EYS: variants seen among roughly 807,000 people sequenced by gnomAD.
The protein encoded by EYS is protein eyes shut homolog.
A neutral mutation model predicts 282.1 loss-of-function variants in EYS; 250 were observed. The observed-to-expected ratio is 0.89, with a 90% CI of 0.80 to 0.98. EYS has a LOEUF of 0.98. EYS is among the 50% of genes least tolerant of loss of function. The probability of loss-of-function intolerance (pLI) is 0.00; values close to 1 mark genes in which losing one functional copy is unlikely to be tolerated. For missense variants in EYS, 4,016 were observed against 3,709.0 expected, an observed-to-expected ratio of 1.08 and a Z score of -2.15; for synonymous variants, 1,355 against 1,282.9, an observed-to-expected ratio of 1.06 and a Z score of -1.20.
At chr6:65,500,187 C>T (rs75392793) in intron 2 of EYS, among the ~76,000 whole-genome samples, 2,694 of 151,852 alleles carry the variant, frequency 0.018, 75 homozygotes, top group African/African-American at 0.061. Flanking sequence ...GCTTCTGAGG[C>T]AAAGGAGGCA....
At chr6:65,511,072 C>T (rs1766850813) in intron 2 of EYS, among the ~76,000 whole-genome samples, 1 of 152,136 alleles carries the variant, frequency 6.6e-6, no homozygotes, top group South Asian at 2.1e-4. Flanking sequence ...ATTTAACCTA[C>T]AGAGATTCCA....
intron 42 of EYS, among the ~76,000 whole-genome samples, chr6:63,725,993 T>A (rs1362224708): frequency 6.6e-6 from 1 of 152,138 alleles, no homozygotes; most frequent in African/African-American, 2.4e-5. Context: ...ACCTAAAAAA[T>A]TAAATTTTAA....
chr6:64,145,235 T>A (rs1157438624), intron 31 of EYS, among the ~76,000 whole-genome samples: 1 of 152,214 alleles, frequency 6.6e-6, no homozygotes, highest in Non-Finnish European at 1.5e-5. Context: ...AGCAGCTGTA[T>A]CATCAGTCTT....
chr6:65,324,794 A>C (rs1228860207), intron 11 of EYS, among the ~76,000 whole-genome samples: 1 of 152,254 alleles, frequency 6.6e-6, no homozygotes, highest in Non-Finnish European at 1.5e-5. Context: ...TTTTAAAATG[A>C]AATTAATGAT....
At chr6:64,014,052 T>G (rs1403025855) in intron 33 of EYS, among the ~76,000 whole-genome samples, 1 of 152,158 alleles carries the variant, frequency 6.6e-6, no homozygotes, top group Non-Finnish European at 1.5e-5. Context: ...AGTAATCAAT[T>G]AAAACTCAGG....
intron 29 of EYS, among the ~76,000 whole-genome samples, chr6:64,331,977 G>A (rs1770662288): frequency 6.6e-6 from 1 of 152,196 alleles, no homozygotes; most frequent in Non-Finnish European, 1.5e-5. Flanking sequence ...GATTTTGACT[G>A]ACTCTAACAT....
chr6:64,552,357 C>T (rs575571900), intron 26 of EYS, among the ~76,000 whole-genome samples: 3 of 152,202 alleles, frequency 2.0e-5, no homozygotes, highest in African/African-American at 7.2e-5. Context: ...TGTCTCTTGT[C>T]GGGGAAAATC....
chr6:64,738,795 T>C (rs763972653), intron 22 of EYS, among the ~76,000 whole-genome samples: 5 of 152,216 alleles, frequency 3.3e-5, no homozygotes, highest in African/African-American at 4.8e-5. Context: ...TTTGCCCTTG[T>C]TGCCTAGGAT....
intron 31 of EYS, among the ~76,000 whole-genome samples, chr6:64,091,587 G>T (rs919054587): frequency 8.5e-5 from 13 of 152,266 alleles, no homozygotes; most frequent in Middle Eastern, 3.4e-3. Context: ...TATGACCCAG[G>T]CCTCTACGTT....
chr6:65,242,137 T>C (rs1767071953), intron 12 of EYS, among the ~76,000 whole-genome samples: 1 of 152,100 alleles, frequency 6.6e-6, no homozygotes, highest in South Asian at 2.1e-4. Context: ...ACAGCTATAT[T>C]GAGATATAAT....
chr6:65,249,882 AAG>A (rs1462866696), intron 12 of EYS, among the ~76,000 whole-genome samples: 1 of 152,070 alleles, frequency 6.6e-6, no homozygotes, highest in East Asian at 1.9e-4. Context: ...TGCAGCAAAA[AAG>A]GTTAATAACT....
Position 63,984,513 on chromosome 6 carries a change from T to C in EYS, c.6925A>G (p.Ile2309Val). 6.5e-7 allele frequency: 1 copy of C among 1,549,620 alleles called. No homozygotes were observed. The change falls in exon 35 of 43, where the codon ATT (isoleucine) becomes GTT (valine). Residue 2309 changes from isoleucine to valine, a missense_variant. By Grantham distance (29) the Ile-to-Val change is conservative (BLOSUM62 3). Coordinates refer to ENST00000503581, the MANE Select transcript of EYS (RefSeq NM_001142800.2). ...TTGTTGTTTACTTGAAGGTCTAGAA[T>C]GCAGCCCCTGAACCCATAAACAGGA... ...AGPVYGFRGCILDLQVNNKEF... is the reference protein window; with the variant it reads ...AGPVYGFRGCVLDLQVNNKEF...
intron 30 of EYS, among the ~76,000 whole-genome samples, chr6:64,301,042 G>A (rs1769215360): frequency 6.6e-6 from 1 of 152,204 alleles, no homozygotes; most frequent in Non-Finnish European, 1.5e-5. Flanking sequence ...TTCAAAGTTA[G>A]ATACCTCTGT....
At chr6:65,053,055 C>G (rs892875236) in intron 13 of EYS, among the ~76,000 whole-genome samples, 1 of 151,712 alleles carries the variant, frequency 6.6e-6, no homozygotes, top group African/African-American at 2.4e-5. Context: ...TGCATAAAAA[C>G]ACTGCATTAT....
chr6:64,922,456 G>GTAT (rs1362320658), intron 15 of EYS, among the ~76,000 whole-genome samples: 1 of 152,108 alleles, frequency 6.6e-6, no homozygotes, highest in Non-Finnish European at 1.5e-5. Flanking sequence ...TCTTATATAA[G>GTAT]TATTATTTTA....
At chr6:63,950,744 G>C (rs1765558277) in intron 35 of EYS, among the ~76,000 whole-genome samples, 1 of 152,176 alleles carries the variant, frequency 6.6e-6, no homozygotes, top group Non-Finnish European at 1.5e-5. Flanking sequence ...AATCAGGTAA[G>C]TGATCTCTTT....
At chr6:63,948,404 C>A (rs1207272059) in intron 35 of EYS, among the ~76,000 whole-genome samples, 2 of 152,236 alleles carry the variant, frequency 1.3e-5, no homozygotes, top group Non-Finnish European at 2.9e-5. Context: ...AAATATGAGA[C>A]AAGTGCCTTT....
intron 22 of EYS, among the ~76,000 whole-genome samples, chr6:64,812,240 T>TACACACAC (rs71739816): frequency 6.8e-6 from 1 of 147,956 alleles, no homozygotes; most frequent in Admixed American, 6.8e-5. Flanking sequence ...GGATTTAAAA[T>TACACACAC]ACACACACAC....
At chr6:64,053,642 ATAAT>A (rs1030360096) in intron 33 of EYS, among the ~76,000 whole-genome samples, 1 of 152,170 alleles carries the variant, frequency 6.6e-6, no homozygotes, top group Non-Finnish European at 1.5e-5. Flanking sequence ...ACAGGTGTAA[ATAAT>A]TAACTACAGG....
Sources: gnomAD v4.1 joint callset for allele counts (sites outside exome capture counted in the v4.1 genomes callset) on GRCh38, gnomAD v4.1.1 for gene constraint, MANE v1.5 for transcripts, NCBI Gene and HGNC (gene_info 2026-07-23, HGNC 2026-07-21) for gene names.